The following MYO9B variants were observed in gnomAD, a reference collection of about 807,000 sequenced individuals.
MYO9B encodes myosin IXB.
MYO9B carries 71 observed loss-of-function variants against 229.5 expected under a neutral mutation model. The ratio of observed to expected loss-of-function variants is 0.31; its 90% CI spans 0.26 to 0.38. MYO9B has a LOEUF of 0.38. Ranked by LOEUF, MYO9B falls within the 10% of genes least tolerant of loss-of-function variation. MYO9B has a pLI of 1.00. For synonymous variants in MYO9B, 1,185 were observed against 1,235.8 expected, an observed-to-expected ratio of 0.96 and a Z score of 0.86; for missense variants, 2,255 against 2,920.5, an observed-to-expected ratio of 0.77 and a Z score of 5.25.
intron 14 of MYO9B, among the ~76,000 whole-genome samples, chr19:17,179,479 T>G (rs1443324677): frequency 2.1e-5 from 3 of 139,536 alleles, no homozygotes; most frequent in Admixed American, 7.8e-5. Flanking sequence ...CAGGCTGGAG[T>G]GCAGTGGTGC....
rs372066022 is a variant in MYO9B, at chr19:17,200,386, C to T, written c.4332C>T (p.His1444=). 2.9e-5 allele frequency: 47 copies of T among 1,599,476 alleles called. No individual in the cohort carries two copies. Among genetic ancestry groups the T allele is most frequent in the Non-Finnish European group, 3.6e-5 (42 of 1,172,764 alleles). Reference sequence around the variant, plus strand: ...AGCTGGAGAATGCAGTGTCCGGGCACGTGGTGCTGGAAGCCACCACCATGA... The same window carrying T: ...AGCTGGAGAATGCAGTGTCCGGGCATGTGGTGCTGGAAGCCACCACCATGA... ...AEELENAVSG[H]VVLEATTMKK... is the part of the protein sequence containing the mutation. Residue 1444 remains histidine, a synonymous_variant, in exon 25 of 40, where the codon CAC becomes CAT. Coordinates refer to ENST00000682292, the MANE Select transcript of MYO9B (RefSeq NM_004145.4).
intron 2 of MYO9B, among the ~76,000 whole-genome samples, chr19:17,125,180 G>C (rs1432861639): frequency 1.3e-5 from 2 of 151,758 alleles, no homozygotes; most frequent in Non-Finnish European, 2.9e-5. Flanking sequence ...ACATGCCTGT[G>C]GTCCCAGCTA....
rs2073001176 is a variant in MYO9B at position 17,192,880 on chromosome 19, CG to C, written c.2947del (p.Ala983ProfsTer65). 1.3e-6 allele frequency: 2 copies of C among 1,550,344 alleles called. No homozygotes were observed. ...GGCACTTCCTGCAGATGAAGCGGGC[CG>C]CCGTCACCATCCAGGCCTGCTGGCG... Reference protein sequence around the residue: ...RRHFLQMKRAAVTIQACWRSY... With the variant: ...RRHFLQMKRAXVTIQACWRSY... On this transcript the variant is annotated frameshift_variant, in exon 21 of 40. Coordinates refer to ENST00000682292, the MANE Select transcript of MYO9B (RefSeq NM_004145.4). LOFTEE classifies it high-confidence loss of function.
intron 24 of MYO9B, among the ~76,000 whole-genome samples, chr19:17,199,513 GT>G (rs372647990): frequency 5.5e-5 from 8 of 146,536 alleles, no homozygotes; most frequent in Admixed American, 2.1e-4. Context: ...TTTTTTGTTT[GT>G]TTTTTTTTTG....
Position 17,212,076 on chromosome 19 carries a change from G to C in MYO9B, c.6240G>C (p.Leu2080=), listed in dbSNP as rs1371051372. 6.3e-7 allele frequency: 1 copy of C among 1,596,008 alleles called. No homozygotes were observed. Among genetic ancestry groups the C allele is most frequent in the Non-Finnish European group, 8.5e-7 (1 of 1,173,184 alleles). The part of the protein sequence containing the change: ...IKLPPGLPSH[L]PRWAPGAREA... Reference sequence around the variant, plus strand: ...TCCCACCAGGCCTGCCCTCCCACCTGCCTCGCTGGGCACCGGGTGCCCGGG... The same window carrying C: ...TCCCACCAGGCCTGCCCTCCCACCTCCCTCGCTGGGCACCGGGTGCCCGGG... The change falls in exon 40 of 40, where the codon CTG becomes CTC. Residue 2080 remains leucine (L), a synonymous_variant. Transcript: ENST00000682292. This position sits in a 1 kb window ranked among gnomAD's most constrained non-coding sequence, Gnocchi z 5.4.
chr19:17,120,987 G>T (rs375971273), intron 2 of MYO9B, among the ~76,000 whole-genome samples: 73 of 152,312 alleles, frequency 4.8e-4, no homozygotes, highest in African/African-American at 1.4e-3. Context: ...CTATCGCCCA[G>T]GCTGGAGTGC....
intron 35 of MYO9B, 28 bp downstream of exon 35, chr19:17,207,272 T>C: frequency 1.9e-6 from 3 of 1,582,842 alleles, no homozygotes; most frequent in South Asian, 1.2e-5. Context: ...CCCGGAGGCA[T>C]GCTCAGGGCA....
chr19:17,149,942 G>A (rs942191772), intron 3 of MYO9B, among the ~76,000 whole-genome samples: 1 of 152,156 alleles, frequency 6.6e-6, no homozygotes, highest in Admixed American at 6.5e-5. Context: ...TCCTAGAAAC[G>A]GACACAGCCT....
chr19:17,108,895 G>C (rs2057819428), intron 2 of MYO9B, among the ~76,000 whole-genome samples: 2 of 151,668 alleles, frequency 1.3e-5, no homozygotes, highest in African/African-American at 4.8e-5. Context: ...TGTATTTTTA[G>C]TAGAGACGGG....
chr19:17,154,753 G>A (rs2072519226), intron 6 of MYO9B, among the ~76,000 whole-genome samples: 1 of 152,174 alleles, frequency 6.6e-6, no homozygotes, highest in South Asian at 2.1e-4. Context: ...ATGGGCCCAA[G>A]AGTTCAAGAC....
chr19:17,161,926 T>G (rs2072607036), intron 8 of MYO9B, among the ~76,000 whole-genome samples: 1 of 150,684 alleles, frequency 6.6e-6, no homozygotes, highest in Non-Finnish European at 1.5e-5. Flanking sequence ...AAGTGGAGTT[T>G]GCAGTGAGCC....
chr19:17,109,032 TTTTATTTATTTA>T (rs150315844), intron 2 of MYO9B, among the ~76,000 whole-genome samples: 11,090 of 136,554 alleles, frequency 0.081, 503 homozygotes, highest in South Asian at 0.13. Flanking sequence ...TTTTTTTTAA[TTTTATTTATTTA>T]TTTATTTATT....
Position 17,200,650 on chromosome 19 carries a change from C to G in MYO9B, c.4384C>G (p.Gln1462Glu), listed in dbSNP as rs2073097089. 3 of 1,613,154 alleles carry G rather than the reference C, an allele frequency of 1.9e-6. No individual in the cohort carries two copies. The highest frequency in any genetic ancestry group is 1.6e-4 in the Middle Eastern group (1 of 6,084). ...CTGTCCCCCCTCAGCCCCCTCCGGACAGCAGCATCGCCACGCTGCAGGTGA... is the reference window on the plus strand; with the variant it reads ...CTGTCCCCCCTCAGCCCCCTCCGGAGAGCAGCATCGCCACGCTGCAGGTGA... ...MKKGLEAPSG[Q>E]QHRHAAGEKR... Residue 1462 changes from glutamine to glutamate, a missense_variant, in exon 26 of 40, where the codon CAG becomes GAG. Transcript: ENST00000682292.
At chr19:17,139,839 C>T (rs989497026) in intron 2 of MYO9B, among the ~76,000 whole-genome samples, 2 of 152,032 alleles carry the variant, frequency 1.3e-5, no homozygotes, top group African/African-American at 2.4e-5. Flanking sequence ...GTTGGGAGTT[C>T]GAGACCAGCC....
At position 17,101,859 on chromosome 19, in the gene MYO9B, A is replaced by C. The variant is rs200123073; in HGVS notation, c.142A>C (p.Ile48Leu). 7 of 1,612,594 alleles carry C rather than the reference A, an allele frequency of 4.3e-6. No individual in the cohort carries two copies. In the African/African-American group the frequency reaches 9.4e-5, roughly 22 times the overall value. Residue 48 changes from isoleucine to leucine, a missense_variant, in exon 2 of 40, where the codon ATC (isoleucine) becomes CTC (leucine). Ile to Leu is a conservative substitution (Grantham distance 5). Around this residue, in one of 7 missense-constraint regions of MYO9B, gnomAD observed 386 missense variants for 515.2 expected, o/e 0.75. Coordinates refer to ENST00000682292, the MANE Select transcript of MYO9B (RefSeq NM_004145.4). The surrounding 1 kb of genome is among the most constrained non-coding windows in gnomAD (Gnocchi z 4.7). ...ATKDSTTSDV[I>L]KDAIASLRLD... is the part of the protein sequence containing the mutation. Reference sequence around the variant, plus strand: ...CAAGGACAGCACCACCTCGGACGTCATCAAGGACGCCATTGCCAGCCTGCG... The same window carrying C: ...CAAGGACAGCACCACCTCGGACGTCCTCAAGGACGCCATTGCCAGCCTGCG...
At chr19:17,189,812 C>T (rs1187774845) in intron 19 of MYO9B, among the ~76,000 whole-genome samples, 1 of 151,886 alleles carries the variant, frequency 6.6e-6, no homozygotes, top group Non-Finnish European at 1.5e-5. Context: ...GCTTGTAATC[C>T]CAGCACTTTG....
At chr19:17,111,489 A>G (rs1398699826) in intron 2 of MYO9B, among the ~76,000 whole-genome samples, 1 of 152,186 alleles carries the variant, frequency 6.6e-6, no homozygotes, top group East Asian at 1.9e-4. Context: ...TCTGTAAATT[A>G]AATTATATCT....
intron 10 of MYO9B, 166 bp from the exon 11 acceptor site, chr19:17,167,777 C>A: frequency 3.4e-6 from 3 of 879,372 alleles, no homozygotes; most frequent in Admixed American, 2.8e-5. Flanking sequence ...CTGTGCCCAG[C>A]CCTATTAGAG....
intron 19 of MYO9B, among the ~76,000 whole-genome samples, chr19:17,190,681 C>T (rs1287957771): frequency 1.3e-5 from 2 of 149,810 alleles, no homozygotes; most frequent in Admixed American, 1.3e-4. Flanking sequence ...TTTCTTAAGA[C>T]GGAGTCTCTC....
Sources: gnomAD v4.1 joint callset for allele counts (sites outside exome capture counted in the v4.1 genomes callset) on GRCh38, gnomAD v4.1.1 for gene constraint, gnomAD v4.1.1 regional missense constraint, Gnocchi (gnomAD v3.1) non-coding constraint, MANE v1.5 for transcripts, NCBI Gene and HGNC (gene_info 2026-07-23, HGNC 2026-07-21) for gene names.